SELPLG: variants seen among roughly 807,000 people sequenced by gnomAD.
SELPLG encodes the protein P-selectin glycoprotein ligand 1.
SELPLG carries 2 observed loss-of-function variants against 1.1 expected under a neutral mutation model. That is an observed-to-expected ratio of 1.82 (90% CI 0.74 to 5.71). SELPLG has a LOEUF of 5.71. Ranked by LOEUF, SELPLG falls within the 30% of genes most tolerant of loss-of-function variation. The pLI is 0.05. For synonymous variants in SELPLG, 230 were observed against 221.2 expected (o/e 1.04, Z -0.35); for missense variants, 478 against 524.7 (o/e 0.91, Z 0.87).
intron 1 of SELPLG, among the ~76,000 whole-genome samples, chr12:108,627,482 A>G (rs2031956628): frequency 6.6e-6 from 1 of 152,282 alleles, no homozygotes; most frequent in South Asian, 2.1e-4. Flanking sequence ...GGGGTCAGAC[A>G]AAAAGGATGT....
At chr12:108,628,438 C>T (rs141150182) in intron 1 of SELPLG, among the ~76,000 whole-genome samples, 109 of 152,038 alleles carry the variant, frequency 7.2e-4, no homozygotes, top group East Asian at 5.2e-3. Flanking sequence ...GAAGAATCTA[C>T]GGCCCAACCT....
chr12:108,624,779 T>C (rs1009349178), intron 1 of SELPLG, among the ~76,000 whole-genome samples: 3 of 146,354 alleles, frequency 2.0e-5, no homozygotes, highest in African/African-American at 5.1e-5. Context: ...AACCTCCACC[T>C]CCCGGGTTCA....
At chr12:108,629,963 CCT>C (rs1230897864) in intron 1 of SELPLG, among the ~76,000 whole-genome samples, 2 of 152,234 alleles carry the variant, frequency 1.3e-5, no homozygotes, top group African/African-American at 4.8e-5. Flanking sequence ...CCTCCTCACC[CCT>C]GTGTTCACTG....
intron 1 of SELPLG, among the ~76,000 whole-genome samples, chr12:108,633,227 G>A (rs1330323093): frequency 2.0e-5 from 3 of 152,212 alleles, no homozygotes; most frequent in Admixed American, 2.0e-4. Context: ...ATGGGAGGCT[G>A]GGGCTGGTGG....
chr12:108,633,600 G>A (rs990978102), intron 1 of SELPLG, 140 bp downstream of exon 1: 1 of 152,334 alleles, frequency 6.6e-6, no homozygotes, highest in Admixed American at 6.5e-5. Context: ...AGTCGGAGGA[G>A]CCTCAGTTTG....
intron 1 of SELPLG, among the ~76,000 whole-genome samples, chr12:108,633,273 C>G (rs1459218663): frequency 6.6e-6 from 1 of 152,086 alleles, no homozygotes; most frequent in Non-Finnish European, 1.5e-5. Flanking sequence ...GGGAGGCCAA[C>G]GCAAGAGGCT....
In SELPLG at chr12:108,623,546, A is replaced by T; in HGVS notation, c.762T>A (p.Thr254=). 1 of 1,613,968 alleles carries T rather than the reference A, an allele frequency of 6.2e-7. No homozygotes were observed. The highest frequency in any genetic ancestry group is 1.3e-5 in the African/African-American group (1 of 74,992). The part of the protein sequence containing the change: ...TQPTATEAQT[T]PLAAMEALST... The stretch of plus-strand genomic sequence containing the variant: ...ACAGGGCCTCCATGGCTGCCAGTGG[A>T]GTGGTCTGTGCCTCCGTGGCTGTGG... The change falls in exon 2 of 2, where the codon ACT becomes ACA. Residue 254 remains threonine (T), a synonymous_variant. Coordinates refer to ENST00000550948, the MANE Select transcript of SELPLG (RefSeq NM_003006.4).
intron 1 of SELPLG, chr12:108,631,888 G>A (rs1048112587): frequency 1.3e-6 from 2 of 1,535,462 alleles, no homozygotes. Context: ...TAGACCACTG[G>A]CCCCCACTGC....
chr12:108,632,891 G>A (rs2032086445), intron 1 of SELPLG, among the ~76,000 whole-genome samples: 1 of 152,080 alleles, frequency 6.6e-6, no homozygotes, highest in African/African-American at 2.4e-5. Flanking sequence ...TATTTTAATA[G>A]TTTGCCACAG....
rs570726720 is a variant in SELPLG at position 108,630,137 on chromosome 12, G to A, written c.-6+3603C>T. 1.8e-4 allele frequency among the ~76,000 whole-genome samples: 27 copies of A among 152,348 alleles called. 1 individual carries two copies. The South Asian group carries it at 3.9e-3, about 22-fold the overall frequency. ...CGACAGAGGCGTCTCCAGTGACCAC[G>A]TCCTATTTGTCTCAACACTTGCCTA... is the stretch of plus-strand genomic sequence containing the variant. On this transcript the variant is annotated intron_variant, in intron 1 of 1. Transcript: ENST00000550948.
intron 1 of SELPLG, among the ~76,000 whole-genome samples, chr12:108,627,956 T>C (rs2031967859): frequency 6.6e-6 from 1 of 152,224 alleles, no homozygotes; most frequent in African/African-American, 2.4e-5. Context: ...GGTGTGCCCC[T>C]GTAGTCCCAG....
rs967257401 is a variant in SELPLG, at chr12:108,621,938, G to C, written c.*1131C>G. Among the ~76,000 whole-genome samples, 2 of 152,134 alleles carry C rather than the reference G, an allele frequency of 1.3e-5. No individual in the cohort carries two copies. The highest frequency in any genetic ancestry group is 2.9e-5 in the Non-Finnish European group (2 of 68,024). On this transcript the variant is annotated 3_prime_UTR_variant, in exon 2 of 2. Transcript: ENST00000550948. ...AGGAGGATAGATTGATGTTTAGAGG[G>C]ATATTGGTCCGAGGTTTGGGGGGGA... is the stretch of plus-strand genomic sequence containing the variant.
rs754243195 is a variant in SELPLG at position 108,623,138 on chromosome 12, C to G, written c.1170G>C (p.Pro390=). Residue 390 remains proline, a synonymous_variant, in exon 2 of 2, where the codon CCG becomes CCC. Transcript: ENST00000550948. ...CCTCCCTGGGCTCTGGCGTCAGGCC[C>G]GGGCTCTTGGCCTTGGACAGGCCCC... ...ANGGLSKAKS[P]GLTPEPREDR... 6.2e-7 allele frequency: 1 copy of G among 1,602,474 alleles called. No homozygotes were observed. Among genetic ancestry groups the G allele is most frequent in the Admixed American group, 1.7e-5 (1 of 58,018 alleles).
chr12:108,623,039 G>C lies in SELPLG; in HGVS notation c.*30C>G. On this transcript the variant is annotated 3_prime_UTR_variant, in exon 2 of 2. Coordinates refer to ENST00000550948, the MANE Select transcript of SELPLG (RefSeq NM_003006.4). ...TGGCCCAGGAGAGCCCGTGGAGGTG[G>C]GGTCTTGCCAAAACAGATGGCAGAG... The C allele has an allele frequency of 6.8e-7, 1 of 1,462,474 alleles. No homozygotes were observed. Among genetic ancestry groups the C allele is most frequent in the South Asian group, 1.4e-5 (1 of 69,140 alleles). The allele number at this position is 1,462,474 out of a possible 1,614,324, so 90.6% of individuals were successfully genotyped here.
chr12:108,630,947 C>G (rs2032037526), intron 1 of SELPLG, among the ~76,000 whole-genome samples: 1 of 152,252 alleles, frequency 6.6e-6, no homozygotes, highest in South Asian at 2.1e-4. Flanking sequence ...CCTCGCAACA[C>G]TCGCCCCAGT....
chr12:108,631,074 CA>C (rs1303201041), intron 1 of SELPLG, among the ~76,000 whole-genome samples: 1 of 152,164 alleles, frequency 6.6e-6, no homozygotes, highest in Non-Finnish European at 1.5e-5. Flanking sequence ...AATGCCTCTG[CA>C]GAAGAGGACA....
Position 108,623,230 on chromosome 12 carries a change from T to A in SELPLG, c.1078A>T (p.Thr360Ser). Residue 360 changes from threonine (T) to serine (S), a missense_variant, in exon 2 of 2, where the codon ACC becomes TCC. Thr to Ser is a moderately conservative substitution (Grantham distance 58, BLOSUM62 1). Transcript: ENST00000550948. The stretch of plus-strand genomic sequence containing the variant: ...AGGGATGAGATGCAGACCATCTCGG[T>A]GGGGGAGTAATTACGCACGGGGTAC... ...HMYPVRNYSP[T>S]EMVCISSLLP... 1 of 1,613,758 alleles carries A rather than the reference T, an allele frequency of 6.2e-7. No individual in the cohort carries two copies. Among genetic ancestry groups the A allele is most frequent in the Non-Finnish European group, 8.5e-7 (1 of 1,179,894 alleles).
chr12:108,624,693 C>T (rs8179139), intron 1 of SELPLG, among the ~76,000 whole-genome samples: 40,063 of 114,356 alleles, frequency 0.35, 6,394 homozygotes, highest in East Asian at 0.58. Context: ...CTCCTTTTTT[C>T]TTTTTTTTTT....
intron 1 of SELPLG, among the ~76,000 whole-genome samples, chr12:108,632,841 A>G (rs948004644): frequency 2.0e-5 from 3 of 152,078 alleles, no homozygotes; most frequent in East Asian, 1.9e-4. Context: ...TATTATTATT[A>G]TTGTTTTCCC....
Sources: gnomAD v4.1 joint callset for allele counts (sites outside exome capture counted in the v4.1 genomes callset) on GRCh38, gnomAD v4.1.1 for gene constraint, MANE v1.5 for transcripts, NCBI Gene and HGNC (gene_info 2026-07-23, HGNC 2026-07-21) for gene names.